The following LRP1B variants were observed in gnomAD, a reference collection of about 807,000 sequenced individuals.
The protein encoded by LRP1B is LDL receptor related protein 1B, also known as low-density lipoprotein receptor-related protein 1B.
In LRP1B, 217 loss-of-function variants were observed where a neutral mutation model predicts 556.6. That is an observed-to-expected ratio of 0.39 (90% CI 0.35 to 0.44). LRP1B has a LOEUF of 0.44. Ranked by LOEUF, LRP1B falls within the 20% of genes least tolerant of loss-of-function variation. The pLI is 1.00. For synonymous variants in LRP1B, 2,047 were observed against 1,865.8 expected, an observed-to-expected ratio of 1.10 and a Z score of -2.50; for missense variants, 5,053 against 5,620.8, an observed-to-expected ratio of 0.90 and a Z score of 3.23.
intron 66 of LRP1B, among the ~76,000 whole-genome samples, chr2:140,389,423 C>T (rs1321881587): frequency 1.3e-5 from 2 of 151,220 alleles, no homozygotes; most frequent in Non-Finnish European, 2.9e-5. Context: ...CTAACTACTA[C>T]AAGTAATAAG....
intron 43 of LRP1B, among the ~76,000 whole-genome samples, chr2:140,579,616 C>T (rs1178602285): frequency 1.3e-5 from 2 of 152,040 alleles, no homozygotes; most frequent in East Asian, 1.9e-4. Flanking sequence ...CCGAGGTGGG[C>T]AGATCACCTG....
At chr2:140,747,496 A>G (rs981925618) in intron 35 of LRP1B, among the ~76,000 whole-genome samples, 2 of 152,192 alleles carry the variant, frequency 1.3e-5, no homozygotes, top group African/African-American at 2.4e-5. Flanking sequence ...AAATGCACAT[A>G]GCACACCATA....
intron 43 of LRP1B, among the ~76,000 whole-genome samples, chr2:140,549,824 G>A (rs572068389): frequency 1.3e-5 from 2 of 151,998 alleles, no homozygotes; most frequent in Non-Finnish European, 2.9e-5. Context: ...GCATACAGCG[G>A]GGCCTAGCAT....
At chr2:140,349,295 T>A (rs182108227) in intron 77 of LRP1B, among the ~76,000 whole-genome samples, 11 of 152,222 alleles carry the variant, frequency 7.2e-5, no homozygotes, top group African/African-American at 2.6e-4. Context: ...GTGTCTATGT[T>A]TATCAATTGT....
chr2:141,645,192 T>C (rs527765588), intron 2 of LRP1B, among the ~76,000 whole-genome samples: 1 of 152,268 alleles, frequency 6.6e-6, no homozygotes, highest in South Asian at 2.1e-4. Context: ...CATTTCATTT[T>C]CTTGGAAGAC....
rs1314118009 is a variant in LRP1B at position 141,766,871 on chromosome 2, A to G, written c.205+43408T>C. Among the ~76,000 whole-genome samples, 21 of 152,130 alleles carry G rather than the reference A, an allele frequency of 1.4e-4. 1 individual carries two copies. Among genetic ancestry groups the G allele is most frequent in the Admixed American group, 1.3e-3 (20 of 15,266 alleles). The stretch of plus-strand genomic sequence containing the variant: ...AGGCTTATAGCCTTGTACATATGCT[A>G]TGTTTGATCCTCCTGTCCAACCTAT... On this transcript the variant is annotated intron_variant, in intron 2 of 90. Coordinates refer to ENST00000389484, the MANE Select transcript of LRP1B (RefSeq NM_018557.3).
intron 41 of LRP1B, among the ~76,000 whole-genome samples, chr2:140,643,617 TCTC>T (rs1684379240): frequency 6.6e-6 from 1 of 152,164 alleles, no homozygotes; most frequent in South Asian, 2.1e-4. Flanking sequence ...CCTTAGAAAC[TCTC>T]CTGTTTGTTT....
intron 41 of LRP1B, among the ~76,000 whole-genome samples, chr2:140,652,022 T>G (rs1280656420): frequency 6.6e-6 from 1 of 151,916 alleles, no homozygotes; most frequent in Non-Finnish European, 1.5e-5. Context: ...ATATTTAAAG[T>G]TCATAGAACA....
chr2:140,335,681 T>G lies in LRP1B; in HGVS notation c.12050A>C (p.Asn4017Thr). ...CATATTTGTTAAGAGTCTGGTGCAG[T>G]TGGGGCCATTCAGCTGCCCTACGTT... ...SINVGQLNGP[N>T]CTRLLTNMAG... The change falls in exon 78 of 91, where the codon AAC becomes ACC. Residue 4017 changes from asparagine to threonine, a missense_variant. By Grantham distance (65) the Asn-to-Thr change is moderately conservative. Coordinates refer to ENST00000389484, the MANE Select transcript of LRP1B (RefSeq NM_018557.3). 1.2e-6 allele frequency: 2 copies of G among 1,612,684 alleles called. No homozygotes were observed. The highest frequency in any genetic ancestry group is 1.7e-6 in the Non-Finnish European group (2 of 1,178,980).
intron 60 of LRP1B, among the ~76,000 whole-genome samples, chr2:140,461,819 G>A (rs1017225862): frequency 4.6e-5 from 7 of 151,586 alleles, no homozygotes; most frequent in African/African-American, 1.5e-4. Context: ...GGTTGACAGA[G>A]CAAGACTCCA....
At chr2:140,530,565 A>G (rs1690646972) in intron 47 of LRP1B, among the ~76,000 whole-genome samples, 1 of 152,090 alleles carries the variant, frequency 6.6e-6, no homozygotes, top group Non-Finnish European at 1.5e-5. Flanking sequence ...ATGAGAGAAA[A>G]ATCAAAACTA....
At chr2:140,577,470 G>T (rs12464264) in intron 43 of LRP1B, among the ~76,000 whole-genome samples, 63,589 of 150,902 alleles carry the variant, frequency 0.42, 13,664 homozygotes, top group Middle Eastern at 0.57. Flanking sequence ...AAGCAGGAGT[G>T]CAGTGGTGCA....
At chr2:141,853,742 A>G (rs1250282808) in intron 1 of LRP1B, among the ~76,000 whole-genome samples, 1 of 152,006 alleles carries the variant, frequency 6.6e-6, no homozygotes, top group African/African-American at 2.4e-5. Context: ...TAGAAATGTA[A>G]ATACAAAAGT....
At chr2:140,715,156 T>C (rs2105459067) in intron 37 of LRP1B, among the ~76,000 whole-genome samples, 1 of 152,114 alleles carries the variant, frequency 6.6e-6, no homozygotes, top group South Asian at 2.1e-4. Context: ...CTGAAAATTA[T>C]TATAGGGTCT....
chr2:141,212,249 ATTTTTTTTTTTTTTTTTTTTTTTTTT>A lies in LRP1B; in HGVS notation c.850+16908_850+16933del, dbSNP rs59699046. Among the ~76,000 whole-genome samples, 111 of 62,260 alleles carry A rather than the reference ATTTTTTTTTTTTTTTTTTTTTTTTTT, an allele frequency of 1.8e-3. 1 individual carries two copies. The highest frequency in any genetic ancestry group is 1.2e-3 in the East Asian group (2 of 1,626). 40.8% of individuals were successfully genotyped at this position (62,260 alleles called of 152,430 possible). ...AAGATATATTGATCAAAAAGTCTAG[ATTTTTTTTTTTTTTTTTTTTTTTTTT>A]TTTTTTTTTTTTTTTTTTTTTGTGA... On this transcript the variant is annotated intron_variant, in intron 6 of 90. Coordinates refer to ENST00000389484, the MANE Select transcript of LRP1B (RefSeq NM_018557.3).
chr2:140,332,657 A>G (rs1010485932), intron 79 of LRP1B, among the ~76,000 whole-genome samples: 2 of 152,070 alleles, frequency 1.3e-5, no homozygotes, highest in African/African-American at 4.8e-5. Context: ...CTTGCCTGTC[A>G]TAAATTTATA....
chr2:140,768,487 A>T (rs1325033640), intron 35 of LRP1B, among the ~76,000 whole-genome samples: 2 of 151,930 alleles, frequency 1.3e-5, no homozygotes, highest in Non-Finnish European at 2.9e-5. Flanking sequence ...TAAGCCCTCA[A>T]GTTGAAGATA....
chr2:140,320,387 G>GTTCTCT (rs1680040710), intron 82 of LRP1B, among the ~76,000 whole-genome samples: 1 of 152,106 alleles, frequency 6.6e-6, no homozygotes, highest in Non-Finnish European at 1.5e-5. Context: ...TCTTCAAATT[G>GTTCTCT]GATGTAACCT....
intron 3 of LRP1B, among the ~76,000 whole-genome samples, chr2:141,326,070 T>C (rs1433274379): frequency 6.6e-6 from 1 of 152,162 alleles, no homozygotes; most frequent in Non-Finnish European, 1.5e-5. Context: ...ATATTAAAAA[T>C]AGTGCTTTAC....
Sources: allele counts gnomAD v4.1 joint callset (sites outside exome capture counted in the v4.1 genomes callset), GRCh38; gene constraint gnomAD v4.1.1; transcripts MANE v1.5; gene names NCBI Gene and HGNC (gene_info 2026-07-23, HGNC 2026-07-21).